RNF126: variants seen among roughly 807,000 people sequenced by gnomAD.
RNF126 encodes the protein E3 ubiquitin-protein ligase RNF126.
RNF126 carries 20 observed loss-of-function variants against 41.9 expected under a neutral mutation model. The ratio of observed to expected loss-of-function variants is 0.48; its 90% CI spans 0.34 to 0.69. RNF126 has a LOEUF of 0.69. Ranked by LOEUF, RNF126 falls within the 30% of genes least tolerant of loss-of-function variation. The pLI, the probability that RNF126 is intolerant of heterozygous loss-of-function variation, is 0.01. For synonymous variants in RNF126, 239 were observed against 202.9 expected (o/e 1.18, Z -1.51); for missense variants, 433 against 460.6 (o/e 0.94, Z 0.55).
rs376556991 is a variant in RNF126, at chr19:652,311, C to T, written c.135-15G>A. The T allele has an allele frequency of 1.5e-5, 24 of 1,553,294 alleles. No homozygotes were observed. Among genetic ancestry groups the T allele is most frequent in the Non-Finnish European group, 3.5e-6 (4 of 1,153,826 alleles). ...TTTCTGTGCTCCTGGGGAGAGAGTG[C>T]AGGTCAGCAGTGCCGGCTACCCTGT... On this transcript the variant is annotated splice_polypyrimidine_tract_variant and intron_variant, in intron 2 of 8. Transcript: ENST00000292363.
rs749420451 is a variant in RNF126 at position 648,118 on chromosome 19, C to T, written c.*10G>A. 23 of 1,561,938 alleles carry T rather than the reference C, an allele frequency of 1.5e-5. No homozygotes were observed. Among genetic ancestry groups the T allele is most frequent in the Admixed American group, 7.1e-5 (4 of 56,590 alleles). ...AAAGGCCCCGTGCTTTCCCGACGGC[C>T]GACGTGGGCTCACGAGTTGCTTGTG... On this transcript the variant is annotated 3_prime_UTR_variant, in exon 9 of 9. Transcript: ENST00000292363.
chr19:662,203 A>C (rs184337072), intron 1 of RNF126, among the ~76,000 whole-genome samples: 8 of 152,036 alleles, frequency 5.3e-5, no homozygotes, highest in Admixed American at 4.6e-4. Context: ...ACACCTACTG[A>C]CTCCGAAACC....
rs117571434 is a variant in RNF126, at chr19:652,522, T to G, written c.135-226A>C. 7.8e-4 allele frequency: 472 copies of G among 601,792 alleles called. 5 individuals are homozygous for G. The East Asian group carries it at 0.012, about 16-fold the overall frequency. The allele number at this position is 601,792 out of a possible 1,614,324, so 37.3% of individuals were successfully genotyped here. ...GCAGACCCCAACAGCCTCCTAAGCGTGAGAATGTGGGTAGGGCCCCCGTGG... is the reference window on the plus strand; with the variant it reads ...GCAGACCCCAACAGCCTCCTAAGCGGGAGAATGTGGGTAGGGCCCCCGTGG... On this transcript the variant is annotated intron_variant, in intron 2 of 8. Transcript: ENST00000292363.
chr19:652,012 GC>G, intron 3 of RNF126, 157 bp from the exon 4 acceptor site: 1 of 731,400 alleles, frequency 1.4e-6, no homozygotes, highest in Non-Finnish European at 2.1e-6. Context: ...GGCAGAGCCT[GC>G]CCCGCTGGTG....
Position 652,942 on chromosome 19 carries a change from C to A in RNF126, c.76-58G>T, listed in dbSNP as rs935196118. ...GACGCCGGCATCACCTGCAAACCCC[C>A]CCAAGTGTGAGGACAGAGGGGCTCC... is the stretch of plus-strand genomic sequence containing the variant. On this transcript the variant is annotated intron_variant, in intron 1 of 8. Transcript: ENST00000292363. 10 of 1,533,256 alleles carry A rather than the reference C, an allele frequency of 6.5e-6. No homozygotes were observed. The East Asian group carries it at 1.4e-4, about 21-fold the overall frequency. 95.0% of individuals were successfully genotyped at this position (1,533,256 alleles called of 1,614,324 possible).
rs754402748 is a variant in RNF126, at chr19:648,992, G to C, written c.577-17C>G. 7.4e-6 allele frequency: 10 copies of C among 1,343,400 alleles called. No individual in the cohort carries two copies. Among genetic ancestry groups the C allele is most frequent in the African/African-American group, 1.5e-5 (1 of 66,642 alleles). 83.2% of individuals were successfully genotyped at this position (1,343,400 alleles called of 1,614,324 possible). ...ATTGAGGAGCTGAAAGACAAGAGGC[G>C]AGAGTGCCGGGAGCTCCTCGGGGGC... On this transcript the variant is annotated splice_polypyrimidine_tract_variant and intron_variant, in intron 6 of 8. Coordinates refer to ENST00000292363, the MANE Select transcript of RNF126 (RefSeq NM_194460.3).
intron 1 of RNF126, among the ~76,000 whole-genome samples, chr19:657,307 T>C (rs1441092701): frequency 6.6e-6 from 1 of 152,230 alleles, no homozygotes; most frequent in Non-Finnish European, 1.5e-5. Flanking sequence ...TCAGCCCCTC[T>C]GTGCATCACT....
At chr19:653,390 A>G (rs2030415936) in intron 1 of RNF126, among the ~76,000 whole-genome samples, 1 of 152,180 alleles carries the variant, frequency 6.6e-6, no homozygotes, top group Non-Finnish European at 1.5e-5. Flanking sequence ...AGGACAACAC[A>G]AGGCCAACAT....
At chr19:654,072 C>T (rs1295435756) in intron 1 of RNF126, among the ~76,000 whole-genome samples, 2 of 152,198 alleles carry the variant, frequency 1.3e-5, no homozygotes, top group African/African-American at 4.8e-5. Flanking sequence ...TGGGGAGAAG[C>T]GGGGGTCTGG....
At position 654,967 on chromosome 19, in the gene RNF126, C is replaced by T. The variant is rs563134103; in HGVS notation, c.76-2083G>A. Among the ~76,000 whole-genome samples the T allele has an allele frequency of 3.4e-5, 5 of 147,384 alleles. No homozygotes were observed. The South Asian group carries it at 8.6e-4, about 25-fold the overall frequency. On this transcript the variant is annotated intron_variant, in intron 1 of 8. Coordinates refer to ENST00000292363, the MANE Select transcript of RNF126 (RefSeq NM_194460.3). The stretch of plus-strand genomic sequence containing the variant: ...TGGGCGACAGAGTGAGACTCCGTAT[C>T]GGGAAAAAAAAAAGTGCTTACAACT...
In RNF126 at chr19:648,367, C is replaced by T. The variant is rs1390297574; in HGVS notation, c.786+5G>A. On this transcript the variant is annotated splice_donor_5th_base_variant and intron_variant, in intron 8 of 8. Transcript: ENST00000292363. ...GGTGGGGGGGCGGGTGGGCGGGGCA[C>T]TCACCTGCTCCAGCCAGGGCACGAT... 41 of 1,534,628 alleles carry T rather than the reference C, an allele frequency of 2.7e-5. No homozygotes were observed. In the East Asian group the frequency reaches 9.6e-4, roughly 36 times the overall value.
chr19:655,698 C>A (rs1448997551), intron 1 of RNF126, among the ~76,000 whole-genome samples: 1 of 152,176 alleles, frequency 6.6e-6, no homozygotes, highest in African/African-American at 2.4e-5. Flanking sequence ...ACTCCAGGCG[C>A]AGACCCCAGA....
intron 1 of RNF126, among the ~76,000 whole-genome samples, chr19:661,943 G>C (rs1266251530): frequency 1.3e-5 from 2 of 152,122 alleles, no homozygotes; most frequent in Non-Finnish European, 2.9e-5. Flanking sequence ...ACGCGCCTCA[G>C]TTTCCCCATC....
rs797018050 is a variant in RNF126, at chr19:647,702, C to T, written c.*426G>A. ...GGGGAGGCTGGGGGCCCACGTGGCC[C>T]GTCCTGGCGGCACCTGCAGCACTGG... On this transcript the variant is annotated 3_prime_UTR_variant, in exon 9 of 9. Transcript: ENST00000292363. The T allele has an allele frequency of 5.2e-4, 110 of 211,560 alleles. No homozygotes were observed. Among genetic ancestry groups the T allele is most frequent in the African/African-American group, 2.4e-3 (100 of 41,960 alleles). The allele number at this position is 211,560 out of a possible 1,614,324, so 13.1% of individuals were successfully genotyped here. A position where few individuals can be genotyped will look rare whatever the true frequency, so the allele number is the denominator to read the frequency against.
chr19:649,042 G>A, intron 6 of RNF126, 67 bp from the exon 7 acceptor site: 1 of 775,192 alleles, frequency 1.3e-6, no homozygotes. Flanking sequence ...TGAAACGCGA[G>A]GCTGCAGGAC....
intron 1 of RNF126, among the ~76,000 whole-genome samples, chr19:660,371 G>A (rs944654378): frequency 7.2e-5 from 11 of 152,262 alleles, no homozygotes; most frequent in African/African-American, 2.7e-4. Flanking sequence ...CCAGCTGCCT[G>A]GGAGAAGCCC....
chr19:654,968 G>A (rs4594371), intron 1 of RNF126, among the ~76,000 whole-genome samples: 43,351 of 149,780 alleles, frequency 0.29, 7,789 homozygotes, highest in African/African-American at 0.49. Context: ...ACTCCGTATC[G>A]GGAAAAAAAA....
chr19:648,364 G>GCCCCCCCCCCCCCCCCCCCCCCCCCCCCC lies in RNF126; in HGVS notation c.786+7_786+8insGGGGGGGGGGGGGGGGGGGGGGGGGGGGG. 2.0e-6 allele frequency: 1 copy of GCCCCCCCCCCCCCCCCCCCCCCCCCCCCC among 510,498 alleles called. No homozygotes were observed. The highest frequency in any genetic ancestry group is 6.4e-5 in the East Asian group (1 of 15,576). 31.6% of individuals were successfully genotyped at this position (510,498 alleles called of 1,614,324 possible). ...CGGGGTGGGGGGGCGGGTGGGCGGG[G>GCCCCCCCCCCCCCCCCCCCCCCCCCCCCC]CACTCACCTGCTCCAGCCAGGGCAC... On this transcript the variant is annotated splice_region_variant and intron_variant, in intron 8 of 8. Coordinates refer to ENST00000292363, the MANE Select transcript of RNF126 (RefSeq NM_194460.3).
chr19:654,516 G>A (rs2030473683), intron 1 of RNF126, among the ~76,000 whole-genome samples: 2 of 150,750 alleles, frequency 1.3e-5, no homozygotes, highest in Admixed American at 6.6e-5. Flanking sequence ...GGTGGCGGGC[G>A]CCTGTAATCC....
Sources: allele counts gnomAD v4.1 joint callset (sites outside exome capture counted in the v4.1 genomes callset), GRCh38; gene constraint gnomAD v4.1.1; transcripts MANE v1.5; gene names NCBI Gene and HGNC (gene_info 2026-07-23, HGNC 2026-07-21).